Variants in CNIH4 observed in about 807,000 individuals in gnomAD.
CNIH4 encodes cornichon family member 4, also known as protein cornichon homolog 4.
A neutral mutation model predicts 21.5 loss-of-function variants in CNIH4; 9 were observed. The ratio of observed to expected loss-of-function variants is 0.42; its 90% confidence interval spans 0.25 to 0.73. CNIH4 has a LOEUF of 0.73. Ranked by LOEUF, CNIH4 falls within the 30% of genes least tolerant of loss-of-function variation. The pLI, the probability that CNIH4 is intolerant of heterozygous loss-of-function variation, is 0.27. For synonymous variants in CNIH4, 67 were observed against 59.1 expected, an observed-to-expected ratio of 1.13 and a Z score of -0.61; for missense variants, 159 against 170.0, an observed-to-expected ratio of 0.94 and a Z score of 0.36.
intron 3 of CNIH4, among the ~76,000 whole-genome samples, chr1:224,368,321 A>G (rs1672525448): frequency 6.6e-6 from 1 of 152,184 alleles, no homozygotes; most frequent in African/African-American, 2.4e-5. Context: ...ACAGAGCGAG[A>G]CCCAGCCTCA....
intron 2 of CNIH4, among the ~76,000 whole-genome samples, chr1:224,361,588 T>C (rs561543084): frequency 1.1e-4 from 16 of 152,152 alleles, no homozygotes; most frequent in African/African-American, 3.9e-4. Flanking sequence ...TCATAAATTT[T>C]GTTTGATTGT....
In CNIH4 at chr1:224,375,899, T is replaced by G. The variant is rs1672768072; in HGVS notation, c.*77T>G. ...GAGCCAGAGACTTCTTAAATCATCC[T>G]TAGAACCGTGACCATAGCAGTATAT... On this transcript the variant is annotated 3_prime_UTR_variant, in exon 5 of 5. Transcript: ENST00000465271. 2 of 1,584,424 alleles carry G rather than the reference T, an allele frequency of 1.3e-6. No individual in the cohort carries two copies. Among genetic ancestry groups the G allele is most frequent in the Non-Finnish European group, 1.7e-6 (2 of 1,164,348 alleles).
At chr1:224,368,003 A>G (rs1672515275) in intron 3 of CNIH4, among the ~76,000 whole-genome samples, 1 of 152,256 alleles carries the variant, frequency 6.6e-6, no homozygotes, top group East Asian at 1.9e-4. Context: ...CTTTGTAGAT[A>G]GTGGTAAAAG....
At chr1:224,375,176 G>C (rs1672744209) in intron 4 of CNIH4, among the ~76,000 whole-genome samples, 1 of 152,206 alleles carries the variant, frequency 6.6e-6, no homozygotes, top group South Asian at 2.1e-4. Context: ...AGGCCCGGTT[G>C]CTAGTAGAAC....
intron 1 of CNIH4, among the ~76,000 whole-genome samples, chr1:224,359,490 G>A (rs11579952): frequency 0.29 from 43,954 of 152,130 alleles, 7,948 homozygotes; most frequent in African/African-American, 0.5. Flanking sequence ...TCCTGGGCAA[G>A]TGATACTTGT....
rs968294408 is a variant in CNIH4 at position 224,378,247 on chromosome 1, T to C, written c.*2425T>C. The C allele has an allele frequency of 6.6e-6, 1 of 152,224 alleles. No individual in the cohort carries two copies. The highest frequency in any genetic ancestry group is 1.5e-5 in the Non-Finnish European group (1 of 68,124). 9.4% of individuals were successfully genotyped at this position (152,224 alleles called of 1,614,324 possible). On this transcript the variant is annotated 3_prime_UTR_variant, in exon 5 of 5. Transcript: ENST00000465271. The stretch of plus-strand genomic sequence containing the variant: ...TTTTGTAGAGACAGAGGTCTTGCTA[T>C]GTTGCCTAGGCTGGTATCAAAATTA...
chr1:224,377,035 A>C lies in CNIH4; in HGVS notation c.*1213A>C, dbSNP rs1672799643. Reference sequence around the variant, plus strand: ...GGGTGTGTGGTACCCAAAAGATTAAATGTTACATGTCCTTTTAGTCCTTGA... The same window carrying C: ...GGGTGTGTGGTACCCAAAAGATTAACTGTTACATGTCCTTTTAGTCCTTGA... On this transcript the variant is annotated 3_prime_UTR_variant, in exon 5 of 5. Transcript: ENST00000465271. 6.2e-6 allele frequency: 3 copies of C among 485,080 alleles called. No homozygotes were observed. The highest frequency in any genetic ancestry group is 8.0e-6 in the Non-Finnish European group (3 of 372,892). 30.0% of individuals were successfully genotyped at this position (485,080 alleles called of 1,614,324 possible).
At chr1:224,363,606 T>A (rs1056502525) in intron 2 of CNIH4, among the ~76,000 whole-genome samples, 2 of 152,190 alleles carry the variant, frequency 1.3e-5, no homozygotes, top group African/African-American at 4.8e-5. Flanking sequence ...ACTGCAGATG[T>A]GCACCACCAT....
chr1:224,356,805 C>A, upstream of CNIH4: 2 of 798,672 alleles, frequency 2.5e-6, no homozygotes, highest in Non-Finnish European at 4.3e-6. Context: ...CAACTCCCGG[C>A]ATGCCACACC....
chr1:224,366,130 C>T (rs901049369), intron 3 of CNIH4, 139 bp downstream of exon 3: 7 of 643,672 alleles, frequency 1.1e-5, no homozygotes, highest in African/African-American at 3.6e-5. Context: ...CAATTTCTGC[C>T]TCCTCAGTTT....
chr1:224,362,635 G>A (rs1441544449), intron 2 of CNIH4, among the ~76,000 whole-genome samples: 7 of 151,500 alleles, frequency 4.6e-5, no homozygotes, highest in African/African-American at 7.3e-5. Context: ...GACTACAGGC[G>A]CCTGCCACCA....
At position 224,376,063 on chromosome 1, in the gene CNIH4, T is replaced by C. The variant is rs1395930020; in HGVS notation, c.*241T>C. 8.2e-7 allele frequency: 1 copy of C among 1,219,186 alleles called. No homozygotes were observed. Among genetic ancestry groups the C allele is most frequent in the Non-Finnish European group, 1.0e-6 (1 of 976,046 alleles). The allele number at this position is 1,219,186 out of a possible 1,614,324, so 75.5% of individuals were successfully genotyped here. On this transcript the variant is annotated 3_prime_UTR_variant, in exon 5 of 5. Transcript: ENST00000465271. The stretch of plus-strand genomic sequence containing the variant: ...CAACACTTGAAGGTGTTTTTCATCC[T>C]CTGTATGTTGAAGGTGGTTATTTGT...
At position 224,376,539 on chromosome 1, in the gene CNIH4, G is replaced by C. The variant is rs73123788; in HGVS notation, c.*717G>C. 3 of 985,172 alleles carry C rather than the reference G, an allele frequency of 3.0e-6. No individual in the cohort carries two copies. Among genetic ancestry groups the C allele is most frequent in the Non-Finnish European group, 3.6e-6 (3 of 829,926 alleles). The allele number at this position is 985,172 out of a possible 1,614,324, so 61.0% of individuals were successfully genotyped here. On this transcript the variant is annotated 3_prime_UTR_variant, in exon 5 of 5. Transcript: ENST00000465271. ...ACTGGCTCTTGCCAGTCTGGTTTTC[G>C]TATTGCAGTTATTCCAATTGTATTT...
Position 224,376,137 on chromosome 1 carries a change from G to T in CNIH4, c.*315G>T, listed in dbSNP as rs1442258177. 1.9e-6 allele frequency: 2 copies of T among 1,077,944 alleles called. No individual in the cohort carries two copies. The highest frequency in any genetic ancestry group is 2.2e-6 in the Non-Finnish European group (2 of 889,654). 66.8% of individuals were successfully genotyped at this position (1,077,944 alleles called of 1,614,324 possible). A position where few individuals can be genotyped will look rare whatever the true frequency, so the allele number is the denominator to read the frequency against. On this transcript the variant is annotated 3_prime_UTR_variant, in exon 5 of 5. Transcript: ENST00000465271. ...CAGCTTTGCATGCCAAAGAAATAAAGAACACACTTTAAAGGGCAAACTGAA... is the reference window on the plus strand; with the variant it reads ...CAGCTTTGCATGCCAAAGAAATAAATAACACACTTTAAAGGGCAAACTGAA...
intron 2 of CNIH4, among the ~76,000 whole-genome samples, chr1:224,362,242 G>T (rs928129542): frequency 6.6e-6 from 1 of 151,638 alleles, no homozygotes; most frequent in Non-Finnish European, 1.5e-5. Flanking sequence ...CACCACGCCC[G>T]GCTAATTTTT....
At chr1:224,360,440 TTAAA>T in intron 1 of CNIH4, 51 bp from the exon 2 acceptor site, 2 of 917,760 alleles carry the variant, frequency 2.2e-6, no homozygotes, top group Non-Finnish European at 3.2e-6. Flanking sequence ...TTTCTGAAAC[TTAAA>T]TACTTAGTTA....
intron 3 of CNIH4, among the ~76,000 whole-genome samples, chr1:224,369,726 G>A (rs1226618950): frequency 6.7e-6 from 1 of 148,412 alleles, no homozygotes; most frequent in Non-Finnish European, 1.5e-5. Context: ...GCCCAGGCTG[G>A]AGTGTGATAC....
At chr1:224,374,410 TTTC>T (rs1036343299) in intron 4 of CNIH4, among the ~76,000 whole-genome samples, 4 of 151,736 alleles carry the variant, frequency 2.6e-5, no homozygotes, top group African/African-American at 9.7e-5. Flanking sequence ...GCAAGTTTCG[TTTC>T]TTTTTTTTTT....
chr1:224,376,934 A>G lies in CNIH4; in HGVS notation c.*1112A>G. 3 of 983,000 alleles carry G rather than the reference A, an allele frequency of 3.1e-6. No individual in the cohort carries two copies. Among genetic ancestry groups the G allele is most frequent in the Non-Finnish European group, 2.4e-6 (2 of 827,696 alleles). The allele number at this position is 983,000 out of a possible 1,614,324, so 60.9% of individuals were successfully genotyped here. On this transcript the variant is annotated 3_prime_UTR_variant, in exon 5 of 5. Coordinates refer to ENST00000465271, the MANE Select transcript of CNIH4 (RefSeq NM_014184.4). ...CTATCTTAAGCACTGGCATTTGGGCAAAACATGACTGTGTTCTGTGGGAGA... is the reference window on the plus strand; with the variant it reads ...CTATCTTAAGCACTGGCATTTGGGCGAAACATGACTGTGTTCTGTGGGAGA...
Sources: gnomAD v4.1 joint callset for allele counts (sites outside exome capture counted in the v4.1 genomes callset) on GRCh38, gnomAD v4.1.1 for gene constraint, MANE v1.5 for transcripts, NCBI Gene and HGNC (gene_info 2026-07-23, HGNC 2026-07-21) for gene names.